The following POLQ variants were observed in gnomAD, a reference collection of about 807,000 sequenced individuals.
POLQ encodes epididymis secretory sperm binding protein.
Under a neutral mutation model 259.2 loss-of-function variants are expected in POLQ, and 233 were observed. The ratio of observed to expected loss-of-function variants is 0.90; its 90% confidence interval spans 0.81 to 1.00. POLQ has a LOEUF of 1.00. POLQ is among the 50% of genes least tolerant of loss of function. POLQ has a pLI of 0.00. For synonymous variants in POLQ, 1,025 were observed against 1,048.8 expected, an observed-to-expected ratio of 0.98 and a Z score of 0.44; for missense variants, 2,871 against 3,051.6, an observed-to-expected ratio of 0.94 and a Z score of 1.39.
intron 12 of POLQ, 118 bp downstream of exon 12, chr3:121,509,443 C>G: frequency 1.3e-6 from 1 of 782,962 alleles, no homozygotes; most frequent in Non-Finnish European, 2.0e-6. Flanking sequence ...CCCACCAGTA[C>G]TAACCTAGGC....
Position 121,432,147 on chromosome 3 carries a change from G to A in POLQ, c.*157C>T. The A allele has an allele frequency of 1.6e-6, 1 of 638,500 alleles. No homozygotes were observed. Among genetic ancestry groups the A allele is most frequent in the Non-Finnish European group, 2.5e-6 (1 of 394,418 alleles). The allele number at this position is 638,500 out of a possible 1,614,324, so 39.6% of individuals were successfully genotyped here. The stretch of plus-strand genomic sequence containing the variant: ...AGAAGTTTTTGATGCTATAGACACT[G>A]ATATATAGTTTGAAACTCTCACTAT... On this transcript the variant is annotated 3_prime_UTR_variant, in exon 30 of 30. Coordinates refer to ENST00000264233, the MANE Select transcript of POLQ (RefSeq NM_199420.4).
chr3:121,488,856 C>G lies in POLQ; in HGVS notation c.4075G>C (p.Val1359Leu). ...AAAGAGTTCATTGAGTTCTGTTGGA[C>G]TAAGCTCTTCTGCATTATCCCTGCT... is the stretch of plus-strand genomic sequence containing the variant. Reference protein sequence around the residue: ...LAAGIMQKSLVQQNSMNSFQK... With the variant: ...LAAGIMQKSLLQQNSMNSFQK... The change falls in exon 16 of 30, where the codon GTC becomes CTC. Residue 1359 changes from valine (V) to leucine (L), a missense_variant. Val to Leu is a conservative substitution (Grantham distance 32). This residue lies in a region of POLQ where 2,080 missense variants were observed against 2,126.0 expected (regional missense o/e 0.98). Transcript: ENST00000264233. 6.2e-7 allele frequency: 1 copy of G among 1,613,998 alleles called. No homozygotes were observed. The highest frequency in any genetic ancestry group is 8.5e-7 in the Non-Finnish European group (1 of 1,179,946).
chr3:121,499,652 A>G (rs2048151533), intron 12 of POLQ, among the ~76,000 whole-genome samples: 1 of 152,214 alleles, frequency 6.6e-6, no homozygotes, highest in Non-Finnish European at 1.5e-5. Context: ...AAGAATCAAT[A>G]ACATAGAGGA....
chr3:121,433,839 T>C (rs2047521585), intron 28 of POLQ, among the ~76,000 whole-genome samples: 2 of 152,188 alleles, frequency 1.3e-5, no homozygotes, highest in Admixed American at 1.3e-4. Context: ...TCCCTACTTA[T>C]CTTTCAGGTC....
Position 121,432,929 on chromosome 3 carries a change from C to A in POLQ, c.7648G>T (p.Asp2550Tyr). 1.9e-6 allele frequency: 3 copies of A among 1,584,024 alleles called. No individual in the cohort carries two copies. Among genetic ancestry groups the A allele is most frequent in the Non-Finnish European group, 2.6e-6 (3 of 1,152,794 alleles). ...CATTGCAAAAATACCTGAACAACAT[C>A]TTCTTCTGCCACTTCATATAGGAGT... is the stretch of plus-strand genomic sequence containing the variant. The part of the protein sequence containing the change: ...DELLYEVAEE[D>Y]VVQVAQIVKN... Residue 2550 changes from aspartate (D) to tyrosine (Y), a missense_variant, in exon 29 of 30, where the codon GAT becomes TAT. Around this residue, in one of 3 missense-constraint regions of POLQ, gnomAD observed 2,080 missense variants for 2,126.0 expected, o/e 0.98. Transcript: ENST00000264233.
chr3:121,534,496 G>A (rs2048437003), intron 5 of POLQ, among the ~76,000 whole-genome samples: 1 of 152,008 alleles, frequency 6.6e-6, no homozygotes, highest in Non-Finnish European at 1.5e-5. Flanking sequence ...GCCAAATTTT[G>A]TATTTTTAGT....
intron 26 of POLQ, 98 bp from the exon 27 acceptor site, chr3:121,440,214 T>A: frequency 2.4e-6 from 2 of 840,968 alleles, no homozygotes; most frequent in Admixed American, 4.6e-5. Flanking sequence ...AACCCCACGA[T>A]GATTCTTAAC....
At chr3:121,539,105 A>G (rs7633930) in intron 4 of POLQ, among the ~76,000 whole-genome samples, 105,192 of 152,028 alleles carry the variant, frequency 0.69, 36,622 homozygotes, top group East Asian at 0.89. Flanking sequence ...TACACTAACC[A>G]CAAAATGGCA....
chr3:121,507,728 A>AAAAT (rs1247014127), intron 12 of POLQ, among the ~76,000 whole-genome samples: 2 of 152,296 alleles, frequency 1.3e-5, no homozygotes, highest in South Asian at 2.1e-4. Context: ...CTCTACTCAA[A>AAAAT]AAATAAATAA....
rs33965431 is a variant in POLQ, at chr3:121,524,937, T to TACACACAC, written c.1109-2796_1109-2789dup. Among the ~76,000 whole-genome samples, 106 of 148,636 alleles carry TACACACAC rather than the reference T, an allele frequency of 7.1e-4. 1 individual carries two copies. Among genetic ancestry groups the TACACACAC allele is most frequent in the South Asian group, 3.8e-3 (18 of 4,678 alleles). On this transcript the variant is annotated intron_variant, in intron 7 of 29. Transcript: ENST00000264233. ...ATGTGCGTGTATATTTGTGTATAAA[T>TACACACAC]ACACACACACACACACACACACACA... is the stretch of plus-strand genomic sequence containing the variant.
chr3:121,436,223 A>G lies in POLQ; in HGVS notation c.7442T>C (p.Val2481Ala), dbSNP rs1390673434. Reference protein sequence around the residue: ...TIVQGSAADIVKIATVNIQKQ... With the variant: ...TIVQGSAADIAKIATVNIQKQ... ...CTGAATGTTAACTGTGGCTATTTTG[A>G]CAATATCAGCTGCTGATCCTTGGAC... Residue 2481 changes from valine (V) to alanine (A), a missense_variant, in exon 28 of 30, where the codon GTC becomes GCC. Val to Ala is a moderately conservative substitution (Grantham distance 64). Around this residue, in one of 3 missense-constraint regions of POLQ, gnomAD observed 2,080 missense variants for 2,126.0 expected, o/e 0.98. Coordinates refer to ENST00000264233, the MANE Select transcript of POLQ (RefSeq NM_199420.4). The G allele has an allele frequency of 6.2e-7, 1 of 1,613,866 alleles. No homozygotes were observed. Among genetic ancestry groups the G allele is most frequent in the Non-Finnish European group, 8.5e-7 (1 of 1,179,766 alleles).
chr3:121,475,249 T>C (rs992952166), intron 20 of POLQ, among the ~76,000 whole-genome samples: 2 of 152,184 alleles, frequency 1.3e-5, no homozygotes, highest in Non-Finnish European at 2.9e-5. Context: ...GCTGTTCCAC[T>C]TTCCACTTCG....
intron 12 of POLQ, 129 bp from the exon 13 acceptor site, chr3:121,498,799 G>T: frequency 3.0e-6 from 2 of 660,556 alleles, no homozygotes; most frequent in Non-Finnish European, 5.0e-6. Flanking sequence ...TACTCAGAAG[G>T]CTGAGATGGA....
intron 22 of POLQ, among the ~76,000 whole-genome samples, chr3:121,470,173 C>T (rs1335293283): frequency 2.6e-5 from 4 of 151,988 alleles, no homozygotes; most frequent in Non-Finnish European, 2.9e-5. Flanking sequence ...GCAGGAGAAT[C>T]ACTTGAACCT....
At chr3:121,514,989 A>C (rs1315528524) in intron 9 of POLQ, among the ~76,000 whole-genome samples, 1 of 152,162 alleles carries the variant, frequency 6.6e-6, no homozygotes, top group East Asian at 1.9e-4. Flanking sequence ...GATTTTAAAC[A>C]GTGCTCAAGC....
Position 121,461,434 on chromosome 3 carries a change from C to T in POLQ, c.6968-1200G>A, listed in dbSNP as rs113605856. Among the ~76,000 whole-genome samples, 502 of 152,082 alleles carry T rather than the reference C, an allele frequency of 3.3e-3. 5 individuals carry two copies. The highest frequency in any genetic ancestry group is 0.011 in the African/African-American group (476 of 41,510). ...TTGGGAGGCCAAGGCAGGCAGATGACGAGGTCAGGAGATCGAGACCATCCT... is the reference window on the plus strand; with the variant it reads ...TTGGGAGGCCAAGGCAGGCAGATGATGAGGTCAGGAGATCGAGACCATCCT... On this transcript the variant is annotated intron_variant, in intron 24 of 29. Coordinates refer to ENST00000264233, the MANE Select transcript of POLQ (RefSeq NM_199420.4).
In POLQ at chr3:121,476,632, T is replaced by C. The variant is rs779936993; in HGVS notation, c.6313A>G (p.Ile2105Val). ...ATTGCATCCAGCTTGGCTTGCATTATATGTTTCTGACTTTCACATTCTGCA... is the reference window on the plus strand; with the variant it reads ...ATTGCATCCAGCTTGGCTTGCATTACATGTTTCTGACTTTCACATTCTGCA... ...STAECESQKH[I>V]MQAKLDAIET... The change falls in exon 20 of 30, where the codon ATA becomes GTA. Residue 2105 changes from isoleucine to valine, a missense_variant. Physicochemically the swap from Ile to Val is conservative, Grantham distance 29. Coordinates refer to ENST00000264233, the MANE Select transcript of POLQ (RefSeq NM_199420.4). The C allele has an allele frequency of 5.6e-6, 9 of 1,613,964 alleles. No individual in the cohort carries two copies. In the South Asian group the frequency reaches 9.9e-5, roughly 18 times the overall value.
At position 121,460,034 on chromosome 3, in the gene POLQ, T is replaced by A; in HGVS notation, c.7152+16A>T. 2 of 1,598,406 alleles carry A rather than the reference T, an allele frequency of 1.3e-6. No individual in the cohort carries two copies. Among genetic ancestry groups the A allele is most frequent in the Non-Finnish European group, 1.7e-6 (2 of 1,165,928 alleles). On this transcript the variant is annotated intron_variant, in intron 25 of 29. Transcript: ENST00000264233. ...AAATTCTTCTCCTTTATATTAACCATGTTCACTAAAATCACCTGTTTTGCC... is the reference window on the plus strand; with the variant it reads ...AAATTCTTCTCCTTTATATTAACCAAGTTCACTAAAATCACCTGTTTTGCC...
intron 24 of POLQ, among the ~76,000 whole-genome samples, chr3:121,464,588 T>A (rs773165023): frequency 2.1e-5 from 3 of 145,394 alleles, no homozygotes; most frequent in Non-Finnish European, 3.0e-5. Flanking sequence ...GCATCCCTAA[T>A]CTGAAAATTC....
Sources: allele counts gnomAD v4.1 joint callset (sites outside exome capture counted in the v4.1 genomes callset), GRCh38; gene constraint gnomAD v4.1.1; regional missense constraint gnomAD v4.1.1; transcripts MANE v1.5; gene names NCBI Gene and HGNC (gene_info 2026-07-23, HGNC 2026-07-21).